Variants in DALRD3 observed in about 807,000 individuals in gnomAD.
DALRD3 encodes DALR anticodon binding domain containing 3.
A neutral mutation model predicts 56.7 loss-of-function variants in DALRD3; 47 were observed. The ratio of observed to expected loss-of-function variants is 0.83; its 90% CI spans 0.66 to 1.06. The LOEUF (loss-of-function observed/expected upper bound fraction) is 1.06, where lower values mean the gene tolerates loss of function less well. Ranked by LOEUF, DALRD3 falls within the 50% of genes least tolerant of loss-of-function variation. The probability of loss-of-function intolerance (pLI) is 0.00; values close to 1 mark genes in which losing one functional copy is unlikely to be tolerated. For missense variants in DALRD3, 787 were observed against 724.0 expected (o/e 1.09, Z -1.00); for synonymous variants, 347 against 308.5 (o/e 1.12, Z -1.31).
Position 49,016,063 on chromosome 3 carries a change from G to A in DALRD3, c.1353C>T (p.Asn451=), listed in dbSNP as rs767297592. ...GCAGATCCGGAAAGGGGAGGATACT[G>A]TTGAAGAGCAACAACCACTCACCCT... The part of the protein sequence containing the change: ...HDEGEWLLLF[N]SILPFPDLLS... Residue 451 remains asparagine, a synonymous_variant, in exon 10 of 12, where the codon AAC becomes AAT. Coordinates refer to ENST00000341949, the MANE Select transcript of DALRD3 (RefSeq NM_001009996.3). 7 of 1,601,758 alleles carry A rather than the reference G, an allele frequency of 4.4e-6. No homozygotes were observed. The highest frequency in any genetic ancestry group is 4.5e-5 in the East Asian group (2 of 44,664).
At chr3:49,017,543 T>C in intron 3 of DALRD3, 30 bp from the exon 4 acceptor site, 1 of 1,614,168 alleles carries the variant, frequency 6.2e-7, no homozygotes, top group South Asian at 1.1e-5. Flanking sequence ...GTGCTGAGAC[T>C]GACAAGAAGC....
chr3:49,018,427 C>CG lies in DALRD3; in HGVS notation c.137dup (p.Leu47AlafsTer7), dbSNP rs2093118297. 2.5e-6 allele frequency: 4 copies of CG among 1,581,066 alleles called. No individual in the cohort carries two copies. Among genetic ancestry groups the CG allele is most frequent in the Non-Finnish European group, 3.4e-6 (4 of 1,164,888 alleles). On this transcript the variant is annotated frameshift_variant, in exon 1 of 12. Transcript: ENST00000341949. LOFTEE classifies it high-confidence loss of function. ...GGCCGTCATCGAAGCGCGCCTGCAG[C>CG]GCGCGGTGCGGTGCCAGAAAGTCTC...
chr3:49,017,809 T>C lies in DALRD3; in HGVS notation c.522A>G (p.Gln174=), dbSNP rs1344331903. ...RDPHMLTFLQ[Q]LRVDWPAASE... is the part of the protein sequence containing the mutation. ...AGGCAGCGGGCCAGTCCACCCGCAG[T>C]TGCTGCAGGAAGGTCAGCATGTGCG... The change falls in exon 3 of 12, where the codon CAA becomes CAG. Residue 174 remains glutamine (Q), a synonymous_variant. Transcript: ENST00000341949. 1.2e-6 allele frequency: 2 copies of C among 1,612,456 alleles called. No homozygotes were observed. The highest frequency in any genetic ancestry group is 1.7e-6 in the Non-Finnish European group (2 of 1,179,984).
upstream of DALRD3, chr3:49,018,793 T>C: frequency 1.2e-5 from 12 of 985,428 alleles, no homozygotes; most frequent in Non-Finnish European, 1.3e-5. Context: ...TCCCTGGGCC[T>C]AGGGTTCTTT....
Position 49,018,008 on chromosome 3 carries a change from C to G in DALRD3, c.461+15G>C, listed in dbSNP as rs2093110862. On this transcript the variant is annotated intron_variant, in intron 2 of 11. Transcript: ENST00000341949. Reference sequence around the variant, plus strand: ...AGTCCCACTTTCTCCATTCCGGCCCCGCGGCCCCGCTCACCCGTGAGCGCG... The same window carrying G: ...AGTCCCACTTTCTCCATTCCGGCCCGGCGGCCCCGCTCACCCGTGAGCGCG... 8.1e-6 allele frequency: 12 copies of G among 1,477,720 alleles called. No individual in the cohort carries two copies. In the East Asian group the frequency reaches 2.4e-4, roughly 29 times the overall value. The allele number at this position is 1,477,720 out of a possible 1,614,324, so 91.5% of individuals were successfully genotyped here. A position where few individuals can be genotyped will look rare whatever the true frequency, so the allele number is the denominator to read the frequency against.
At chr3:49,019,101 C>T (rs2093128622), upstream of DALRD3, 1 of 908,182 alleles carries the variant, frequency 1.1e-6, no homozygotes, top group Admixed American at 6.2e-5. Context: ...GAGACGGAGT[C>T]TTGCTCTTGT....
upstream of DALRD3, chr3:49,020,065 C>G (rs2093139519): frequency 7.7e-6 from 4 of 518,644 alleles, no homozygotes; most frequent in Admixed American, 7.9e-5. Flanking sequence ...TTGGGAAATC[C>G]GGAGAGCAGG....
rs1400707572 is a variant in DALRD3 at position 49,016,047 on chromosome 3, G to A, written c.1369C>T (p.Pro457Ser). 1 of 1,600,594 alleles carries A rather than the reference G, an allele frequency of 6.2e-7. No individual in the cohort carries two copies. The highest frequency in any genetic ancestry group is 8.5e-7 in the Non-Finnish European group (1 of 1,170,922). The change falls in exon 10 of 12, where the codon CCG becomes TCG. Residue 457 changes from proline to serine, a missense_variant. Physicochemically the swap from Pro to Ser is moderately conservative, Grantham distance 74. Coordinates refer to ENST00000341949, the MANE Select transcript of DALRD3 (RefSeq NM_001009996.3). ...LLLFNSILPF[P>S]DLLSRTAVLD... is the part of the protein sequence containing the mutation. ...ACTGCTGTCCGGCTCAGCAGATCCG[G>A]AAAGGGGAGGATACTGTTGAAGAGC...
At position 49,018,388 on chromosome 3, in the gene DALRD3, G is replaced by C; in HGVS notation, c.165+12C>G. The stretch of plus-strand genomic sequence containing the variant: ...TCTCCCGGCCGCACGGCCCCGCCCG[G>C]CTCACGCCCACCTGGCCGTCATCGA... On this transcript the variant is annotated intron_variant, in intron 1 of 11. Coordinates refer to ENST00000341949, the MANE Select transcript of DALRD3 (RefSeq NM_001009996.3). 6.4e-7 allele frequency: 1 copy of C among 1,553,972 alleles called. No homozygotes were observed. The highest frequency in any genetic ancestry group is 2.4e-5 in the East Asian group (1 of 41,330).
At chr3:49,018,847 C>CGGT, upstream of DALRD3, 1 of 985,470 alleles carries the variant, frequency 1.0e-6, no homozygotes, top group Non-Finnish European at 1.2e-6. Context: ...CCTCGCGACC[C>CGGT]GGTGGGCGCT....
rs1473104003 is a variant in DALRD3, at chr3:49,018,399, C to G, written c.165+1G>C. ...CACGGCCCCGCCCGGCTCACGCCCA[C>G]CTGGCCGTCATCGAAGCGCGCCTGC... On this transcript the variant is annotated splice_donor_variant, in intron 1 of 11. Transcript: ENST00000341949. LOFTEE classifies it high-confidence loss of function. The G allele has an allele frequency of 1.3e-6, 2 of 1,564,652 alleles. No homozygotes were observed. The highest frequency in any genetic ancestry group is 1.2e-5 in the South Asian group (1 of 85,992).
rs770036336 is a variant in DALRD3, at chr3:49,017,435, A to G, written c.797T>C (p.Leu266Pro). ...CCTACAGGGCTGGGAGTCACTAACC[A>G]GGCCTGGGTGGCTGTCCTCGGGCCA... ...WHWPEDSHPGLAGASDTGTGG... is the reference protein window; with the variant it reads ...WHWPEDSHPGPAGASDTGTGG... The change falls in exon 4 of 12, where the codon CTG becomes CCG. Residue 266 changes from leucine (L) to proline (P), a missense_variant and splice_region_variant. Physicochemically the swap from Leu to Pro is moderately conservative, Grantham distance 98. Coordinates refer to ENST00000341949, the MANE Select transcript of DALRD3 (RefSeq NM_001009996.3). The G allele has an allele frequency of 1.9e-6, 3 of 1,614,122 alleles. No individual in the cohort carries two copies. Among genetic ancestry groups the G allele is most frequent in the Non-Finnish European group, 2.5e-6 (3 of 1,180,036 alleles).
rs1454051005 is a variant in DALRD3, at chr3:49,018,087, G to A, written c.397C>T (p.Arg133Cys). ...AGCACCGTACGCAGCTGGCTCAAGC[G>A]GAGTGCGCAGGGGGAGCTGCGCAGT... ...PALRSSPCALRLSQLRTVLVA... is the reference protein window; with the variant it reads ...PALRSSPCALCLSQLRTVLVA... Residue 133 changes from arginine to cysteine, a missense_variant, in exon 2 of 12, where the codon CGC becomes TGC. Transcript: ENST00000341949. 1 of 1,488,618 alleles carries A rather than the reference G, an allele frequency of 6.7e-7. No individual in the cohort carries two copies. Among genetic ancestry groups the A allele is most frequent in the Admixed American group, 2.4e-5 (1 of 41,666 alleles). The allele number at this position is 1,488,618 out of a possible 1,614,324, so 92.2% of individuals were successfully genotyped here.
At chr3:49,017,994 C>T (rs2106741481) in intron 2 of DALRD3, 29 bp downstream of exon 2, 1 of 1,477,742 alleles carries the variant, frequency 6.8e-7, no homozygotes, top group Middle Eastern at 2.5e-4. Flanking sequence ...GTCCCACTTT[C>T]TCCATTCCGG....
chr3:49,018,500 C>T lies in DALRD3; in HGVS notation c.65G>A (p.Gly22Asp), dbSNP rs928555940. The T allele has an allele frequency of 6.3e-7, 1 of 1,586,146 alleles. No individual in the cohort carries two copies. Among genetic ancestry groups the T allele is most frequent in the Non-Finnish European group, 8.6e-7 (1 of 1,166,080 alleles). ...LGALNAALGP[G>D]GPVWIKETRT... ...CGTCTCCTTGATCCACACCGGACCG[C>T]CTGGCCCCAGGGCCGCGTTGAGGGC... The change falls in exon 1 of 12, where the codon GGC (glycine) becomes GAC (aspartate). Residue 22 changes from glycine (G) to aspartate (D), a missense_variant. By Grantham distance (94) the Gly-to-Asp change is moderately conservative (BLOSUM62 -1). Transcript: ENST00000341949.
At chr3:49,020,267 C>G (rs372352893), upstream of DALRD3, 142 of 531,512 alleles carry the variant, frequency 2.7e-4, no homozygotes, top group Admixed American at 4.5e-4. Context: ...GAGACAACTG[C>G]TTAGCAGGGT....
chr3:49,017,521 G>C lies in DALRD3; in HGVS notation c.719-8C>G, dbSNP rs2093101329. On this transcript the variant is annotated splice_polypyrimidine_tract_variant and splice_region_variant and intron_variant, in intron 3 of 11. Coordinates refer to ENST00000341949, the MANE Select transcript of DALRD3 (RefSeq NM_001009996.3). ...AGAGGAGATCCTCAGTCACTGAAAA[G>C]AGAACAGACAGGTGCTGAGACTGAC... 2 of 1,614,202 alleles carry C rather than the reference G, an allele frequency of 1.2e-6. No homozygotes were observed. Among genetic ancestry groups the C allele is most frequent in the East Asian group, 4.5e-5 (2 of 44,886 alleles).
In DALRD3 at chr3:49,017,596, TA is replaced by T; in HGVS notation, c.718+16del. 1.9e-6 allele frequency: 3 copies of T among 1,614,022 alleles called. No individual in the cohort carries two copies. The highest frequency in any genetic ancestry group is 1.7e-6 in the Non-Finnish European group (2 of 1,179,908). ...CCCCTCCTGCCTTTTCTGGCCCTGC[TA>T]GGCTTCAGGTCCTACCCAGACAGTT... On this transcript the variant is annotated intron_variant, in intron 3 of 11. Transcript: ENST00000341949.
Position 49,018,517 on chromosome 3 carries a change from G to A in DALRD3, c.48C>T (p.Asn16=). 1 of 1,585,534 alleles carries A rather than the reference G, an allele frequency of 6.3e-7. No individual in the cohort carries two copies. The highest frequency in any genetic ancestry group is 8.6e-7 in the Non-Finnish European group (1 of 1,165,760). Residue 16 remains asparagine, a synonymous_variant, in exon 1 of 12, where the codon AAC becomes AAT. Transcript: ENST00000341949. ...LGVGETLGAL[N]AALGPGGPVW... Reference sequence around the variant, plus strand: ...CCGGACCGCCTGGCCCCAGGGCCGCGTTGAGGGCCCCCAGCGTCTCCCCGA... The same window carrying A: ...CCGGACCGCCTGGCCCCAGGGCCGCATTGAGGGCCCCCAGCGTCTCCCCGA...
Sources: allele counts gnomAD v4.1 joint callset, GRCh38; gene constraint gnomAD v4.1.1; transcripts MANE v1.5; gene names NCBI Gene and HGNC (gene_info 2026-07-23, HGNC 2026-07-21).